The following FAAH2 variants were observed in gnomAD, a reference collection of about 807,000 sequenced individuals.
The protein encoded by FAAH2 is fatty acid amide hydrolase 2.
In FAAH2, 60 loss-of-function variants were observed where a neutral mutation model predicts 36.9. The ratio of observed to expected loss-of-function variants is 1.63; its 90% CI spans 1.32 to 2.02. The LOEUF is 2.02. FAAH2 is among the 30% of genes most tolerant of loss of function. The pLI, the probability that FAAH2 is intolerant of heterozygous loss-of-function variation, is 0.00. For missense variants in FAAH2, 689 were observed against 397.5 expected, an observed-to-expected ratio of 1.73 and a Z score of -6.23; for synonymous variants, 214 against 143.8, an observed-to-expected ratio of 1.49 and a Z score of -3.49.
the FAAH2 span, among the ~76,000 whole-genome samples, chrX:57,131,851 C>T: frequency 9.0e-6 from 1 of 111,677 alleles, no homozygotes; most frequent in Non-Finnish European, 1.9e-5. Flanking sequence ...CTTTTGAATT[C>T]CACAGTGTCA....
intron 2 of FAAH2, among the ~76,000 whole-genome samples, chrX:57,303,679 A>G (rs193039627): frequency 9.0e-6 from 1 of 111,287 alleles, no homozygotes; most frequent in East Asian, 2.8e-4. Context: ...GGATTTGACC[A>G]CTCTGCTACA....
At chrX:57,132,677 C>T in the FAAH2 span, among the ~76,000 whole-genome samples, 2 of 112,595 alleles carry the variant, frequency 1.8e-5, no homozygotes, top group South Asian at 7.4e-4. Flanking sequence ...ATTATTCTCC[C>T]TTTATTCATC....
In FAAH2 at chrX:57,326,426, G is replaced by A. The variant is rs1237605209; in HGVS notation, c.413-5172G>A. 8.7e-5 allele frequency among the ~76,000 whole-genome samples: 10 copies of A among 114,437 alleles called. No homozygotes were observed. The East Asian group carries it at 2.7e-3, about 31-fold the overall frequency. ...TTTCTGTCTCGTTGATCTGTCTAATGTTGACAGTGGGGTGTTAAAGTCTCC... is the reference window on the plus strand; with the variant it reads ...TTTCTGTCTCGTTGATCTGTCTAATATTGACAGTGGGGTGTTAAAGTCTCC... On this transcript the variant is annotated intron_variant, in intron 3 of 10. Coordinates refer to ENST00000374900, the MANE Select transcript of FAAH2 (RefSeq NM_174912.4).
chrX:57,454,536 T>A (rs1185604362), intron 10 of FAAH2, among the ~76,000 whole-genome samples: 1 of 111,924 alleles, frequency 8.9e-6, no homozygotes, highest in Admixed American at 9.5e-5. Flanking sequence ...AGGAGAAAGT[T>A]GAAACATAAT....
At chrX:57,418,529 C>T (rs1185980735) in intron 7 of FAAH2, among the ~76,000 whole-genome samples, 2 of 110,646 alleles carry the variant, frequency 1.8e-5, no homozygotes, top group East Asian at 5.7e-4. Context: ...GACACCCCAC[C>T]CTGCTTTGGC....
chrX:57,461,123 C>A (rs2056950393), intron 10 of FAAH2, among the ~76,000 whole-genome samples: 1 of 98,593 alleles, frequency 1.0e-5, no homozygotes, highest in South Asian at 5.2e-4. Flanking sequence ...TACATGCACC[C>A]AATACAGGAG....
intron 5 of FAAH2, among the ~76,000 whole-genome samples, chrX:57,360,411 A>G (rs1338256653): frequency 9.1e-6 from 1 of 109,378 alleles, no homozygotes; most frequent in African/African-American, 3.3e-5. Flanking sequence ...TAAATGACCT[A>G]TTTTAAGGTT....
chrX:57,325,091 G>A (rs1286403480), intron 3 of FAAH2, among the ~76,000 whole-genome samples: 1 of 112,214 alleles, frequency 8.9e-6, no homozygotes, highest in African/African-American at 3.2e-5. Flanking sequence ...CATCTATTGA[G>A]ATAATCAAAT....
chrX:57,475,748 A>T (rs932033303), intron 10 of FAAH2, among the ~76,000 whole-genome samples: 2 of 112,182 alleles, frequency 1.8e-5, no homozygotes, highest in Admixed American at 9.5e-5. Flanking sequence ...TGATAGCTTG[A>T]TGGGAATAGC....
intron 1 of FAAH2, among the ~76,000 whole-genome samples, chrX:57,289,116 A>G (rs998151631): frequency 1.2e-4 from 14 of 112,235 alleles, no homozygotes; most frequent in African/African-American, 4.5e-4. Flanking sequence ...GGTACATATG[A>G]TTATCATCAT....
the FAAH2 span, among the ~76,000 whole-genome samples, chrX:57,148,737 A>T: frequency 2.7e-5 from 3 of 111,339 alleles, no homozygotes; most frequent in Non-Finnish European, 3.8e-5. Flanking sequence ...CTTTTCCTAA[A>T]TGAATGCCCT....
chrX:57,277,271 A>G, the FAAH2 span, among the ~76,000 whole-genome samples: 2 of 112,123 alleles, frequency 1.8e-5, no homozygotes, highest in South Asian at 3.7e-4. Flanking sequence ...CTGGTTCAAC[A>G]TATGCAAATC....
At chrX:57,295,416 A>AAATTATC (rs903135870) in intron 2 of FAAH2, among the ~76,000 whole-genome samples, 12 of 112,245 alleles carry the variant, frequency 1.1e-4, no homozygotes, top group Non-Finnish European at 2.1e-4. Flanking sequence ...AAGAGGGCAC[A>AAATTATC]AATTATCAAA....
chrX:57,331,532 C>T (rs959510187), intron 3 of FAAH2, 66 bp from the exon 4 acceptor site: 6 of 995,608 alleles, frequency 6.0e-6, no homozygotes, highest in Non-Finnish European at 8.2e-6. Context: ...GCCATCTTGC[C>T]CCTCAGGAGA....
intron 5 of FAAH2, among the ~76,000 whole-genome samples, chrX:57,348,905 C>T (rs1451635553): frequency 1.9e-5 from 2 of 106,818 alleles, no homozygotes; most frequent in Admixed American, 2.1e-4. Flanking sequence ...CCTAAAGGAA[C>T]ACAATAATTC....
At chrX:57,457,674 GA>G (rs2056884746) in intron 10 of FAAH2, among the ~76,000 whole-genome samples, 1 of 69,162 alleles carries the variant, frequency 1.4e-5, no homozygotes, top group Non-Finnish European at 2.9e-5. Context: ...ATCAAATGAA[GA>G]ACAGAATTCC....
At chrX:57,476,731 CT>C (rs2057276784) in intron 10 of FAAH2, among the ~76,000 whole-genome samples, 1 of 111,127 alleles carries the variant, frequency 9.0e-6, no homozygotes, top group Non-Finnish European at 1.9e-5. Flanking sequence ...CCTTCTTATT[CT>C]ATTGTTTGGA....
chrX:57,227,840 G>T, the FAAH2 span, among the ~76,000 whole-genome samples: 1 of 111,577 alleles, frequency 9.0e-6, no homozygotes, highest in Non-Finnish European at 1.9e-5. Flanking sequence ...GTGGATGGGG[G>T]TGAGACTCCC....
intron 10 of FAAH2, among the ~76,000 whole-genome samples, chrX:57,470,007 C>A (rs946876831): frequency 9.0e-6 from 1 of 111,538 alleles, no homozygotes; most frequent in Admixed American, 9.6e-5. Context: ...CTACTGGGTA[C>A]ATAATGAAAT....
Sources: allele counts gnomAD v4.1 joint callset (sites outside exome capture counted in the v4.1 genomes callset), GRCh38; gene constraint gnomAD v4.1.1; transcripts MANE v1.5; gene names NCBI Gene and HGNC (gene_info 2026-07-23, HGNC 2026-07-21).